Variants in LAMA2 observed in about 807,000 individuals in gnomAD.
The protein encoded by LAMA2 is laminin subunit alpha 2.
LAMA2 carries 269 observed loss-of-function variants against 364.8 expected under a neutral mutation model. The observed-to-expected ratio is 0.74, with a 90% CI of 0.67 to 0.82. The LOEUF (loss-of-function observed/expected upper bound fraction) is 0.82. Among genes scored for constraint, LAMA2 ranks in the 40% least tolerant of loss-of-function variants. The probability of loss-of-function intolerance (pLI) is 0.00; values close to 1 mark genes in which losing one functional copy is unlikely to be tolerated. For synonymous variants in LAMA2, 1,379 were observed against 1,370.6 expected (o/e 1.01, Z -0.14); for missense variants, 3,807 against 3,873.2 (o/e 0.98, Z 0.45).
chr6:129,047,975 G>A (rs1481671524), intron 1 of LAMA2, among the ~76,000 whole-genome samples: 1 of 152,142 alleles, frequency 6.6e-6, no homozygotes, highest in Non-Finnish European at 1.5e-5. Context: ...GAGCCAGATT[G>A]CTTTGGTTCA....
At chr6:129,289,557 T>C (rs1789534472) in intron 19 of LAMA2, among the ~76,000 whole-genome samples, 1 of 152,208 alleles carries the variant, frequency 6.6e-6, no homozygotes, top group Non-Finnish European at 1.5e-5. Context: ...CATTTTATCC[T>C]GTCTTCCAAT....
At chr6:129,388,889 T>C (rs1779170015) in intron 35 of LAMA2, among the ~76,000 whole-genome samples, 1 of 152,180 alleles carries the variant, frequency 6.6e-6, no homozygotes, top group Non-Finnish European at 1.5e-5. Flanking sequence ...GTACCATAGG[T>C]AGAGCCAAAT....
At chr6:129,177,590 T>C (rs1022104609) in intron 9 of LAMA2, 116 bp from the exon 10 acceptor site, 7 of 1,033,880 alleles carry the variant, frequency 6.8e-6, no homozygotes, top group South Asian at 1.4e-5. Context: ...TTGATATATA[T>C]AAAAAATCTA....
At chr6:129,147,086 C>T (rs745697134) in intron 6 of LAMA2, 38 bp downstream of exon 6, 3 of 1,281,454 alleles carry the variant, frequency 2.3e-6, no homozygotes, top group East Asian at 4.6e-5. Context: ...AAAATGAAGC[C>T]CTGAGCTGTA....
chr6:128,903,378 C>T (rs1777209228), intron 1 of LAMA2, among the ~76,000 whole-genome samples: 1 of 152,066 alleles, frequency 6.6e-6, no homozygotes, highest in African/African-American at 2.4e-5. Context: ...TATTAAAATG[C>T]ATTATGTGTG....
intron 35 of LAMA2, among the ~76,000 whole-genome samples, chr6:129,384,080 A>G (rs1389678487): frequency 1.3e-5 from 2 of 152,344 alleles, no homozygotes; most frequent in African/African-American, 4.8e-5. Flanking sequence ...TCACTGGCCA[A>G]GAAGAGACAA....
At chr6:129,208,548 A>AAGAG (rs1365556093) in intron 12 of LAMA2, among the ~76,000 whole-genome samples, 4 of 115,430 alleles carry the variant, frequency 3.5e-5, no homozygotes, top group African/African-American at 1.7e-4. Flanking sequence ...AAAGAAAAGG[A>AAGAG]AGAGAAAGAA....
chr6:129,147,981 T>C (rs1778569172), intron 6 of LAMA2, among the ~76,000 whole-genome samples: 1 of 151,960 alleles, frequency 6.6e-6, no homozygotes, highest in Admixed American at 6.6e-5. Context: ...AACATGCAGG[T>C]TTGTTACATA....
intron 1 of LAMA2, among the ~76,000 whole-genome samples, chr6:129,035,275 T>C (rs1786542834): frequency 6.6e-6 from 1 of 151,104 alleles, no homozygotes; most frequent in South Asian, 2.1e-4. Flanking sequence ...TGGCCACTTG[T>C]ATGTCTTTTT....
At chr6:129,252,045 A>G (rs772323898) in intron 13 of LAMA2, 39 bp from the exon 14 acceptor site, 11 of 1,397,082 alleles carry the variant, frequency 7.9e-6, no homozygotes, top group Non-Finnish European at 1.0e-5. Flanking sequence ...CCCTCTTTTC[A>G]GTTTTACTCT....
intron 8 of LAMA2, among the ~76,000 whole-genome samples, chr6:129,156,749 C>G (rs1307934991): frequency 2.0e-5 from 3 of 151,924 alleles, no homozygotes; most frequent in African/African-American, 7.3e-5. Context: ...GGAAAACAGT[C>G]CAAATTTACA....
chr6:129,428,735 G>A (rs867238179), intron 41 of LAMA2, among the ~76,000 whole-genome samples: 6 of 152,186 alleles, frequency 3.9e-5, no homozygotes, highest in African/African-American at 7.2e-5. Flanking sequence ...GTGAGCCACC[G>A]TGCCCGGCCC....
At chr6:129,482,760 G>A (rs1327753617) in intron 55 of LAMA2, among the ~76,000 whole-genome samples, 1 of 152,102 alleles carries the variant, frequency 6.6e-6, no homozygotes, top group Admixed American at 6.5e-5. Context: ...GTGGTTTAAT[G>A]TTAGAAAATC....
chr6:129,359,518 G>A (rs1777343152), intron 32 of LAMA2, among the ~76,000 whole-genome samples: 3 of 151,630 alleles, frequency 2.0e-5, no homozygotes, highest in Non-Finnish European at 4.4e-5. Context: ...ATCTTAATAA[G>A]CCCTAAATAT....
chr6:129,440,676 C>G (rs1782060010), intron 42 of LAMA2, 140 bp from the exon 43 acceptor site: 1 of 787,626 alleles, frequency 1.3e-6, no homozygotes, highest in African/African-American at 1.7e-5. Flanking sequence ...TTTGCTACAC[C>G]TGAATGAGAC....
chr6:129,411,039 TG>T (rs1780515421), intron 40 of LAMA2, among the ~76,000 whole-genome samples: 1 of 152,176 alleles, frequency 6.6e-6, no homozygotes, highest in African/African-American at 2.4e-5. Context: ...CTCAAGAGAT[TG>T]GGTGATGCAC....
At chr6:129,321,463 C>A (rs139583798) in intron 28 of LAMA2, among the ~76,000 whole-genome samples, 3 of 152,186 alleles carry the variant, frequency 2.0e-5, no homozygotes, top group Non-Finnish European at 4.4e-5. Flanking sequence ...ACCCCACAGT[C>A]TGAAGCCTGG....
chr6:128,996,094 G>A (rs776225648), intron 1 of LAMA2, among the ~76,000 whole-genome samples: 49 of 152,132 alleles, frequency 3.2e-4, no homozygotes, highest in Non-Finnish European at 4.4e-4. Context: ...TTGTATATGC[G>A]GTAAGTGCTA....
At chr6:128,971,492 C>G (rs1413738069) in intron 1 of LAMA2, among the ~76,000 whole-genome samples, 1 of 152,014 alleles carries the variant, frequency 6.6e-6, no homozygotes, top group Non-Finnish European at 1.5e-5. Flanking sequence ...AGAGTGCATT[C>G]TAGAAAAGGT....
Sources: allele counts gnomAD v4.1 joint callset (sites outside exome capture counted in the v4.1 genomes callset), GRCh38; gene constraint gnomAD v4.1.1; transcripts MANE v1.5; gene names NCBI Gene and HGNC (gene_info 2026-07-23, HGNC 2026-07-21).